The following CDKN2B-AS1 variants were observed in gnomAD, a reference collection of about 807,000 sequenced individuals.
The protein encoded by CDKN2B-AS1 is CDKN2B antisense RNA 1 (non-protein coding).
At chr9:22,041,468 T>C (rs1822893566) in intron 1 of CDKN2B-AS1, among the ~76,000 whole-genome samples, 1 of 152,060 alleles carries the variant, frequency 6.6e-6, no homozygotes, top group African/African-American at 2.4e-5. Flanking sequence ...CTTGACAATA[T>C]CATATATGCA....
At chr9:22,041,690 A>G (rs971514724) in intron 1 of CDKN2B-AS1, among the ~76,000 whole-genome samples, 3 of 152,070 alleles carry the variant, frequency 2.0e-5, no homozygotes, top group African/African-American at 7.2e-5. Context: ...AAAAAACACT[A>G]CAGACTCTAT....
chr9:22,060,706 A>G (rs1370807465), intron 4 of CDKN2B-AS1, among the ~76,000 whole-genome samples: 1 of 152,218 alleles, frequency 6.6e-6, no homozygotes, highest in Admixed American at 6.5e-5. Context: ...GAAACTAGGA[A>G]CAAAAAGAGG....
rs766446762 is a variant in CDKN2B-AS1, at chr9:22,005,762, C to T, written n.29+10601C>T. ...TAAATATCCCTGGAAATCCGCTTCT[C>T]TGTGTTTCGCTTCATGGTGAGTGTC... On this transcript the variant is annotated intron_variant and non_coding_transcript_variant, in intron 1 of 4. Coordinates refer to ENST00000650946, the Ensembl canonical transcript of CDKN2B-AS1. This position sits in a 1 kb window ranked among gnomAD's most constrained non-coding sequence, Gnocchi z 4.9. 1.1e-5 allele frequency: 7 copies of T among 619,712 alleles called. No homozygotes were observed. Among genetic ancestry groups the T allele is most frequent in the Non-Finnish European group, 2.0e-5 (7 of 352,634 alleles). 38.4% of individuals were successfully genotyped at this position (619,712 alleles called of 1,614,324 possible). A position where few individuals can be genotyped will look rare whatever the true frequency, so the allele number is the denominator to read the frequency against.
chr9:22,082,557 A>T (rs1271833419), intron 4 of CDKN2B-AS1, among the ~76,000 whole-genome samples: 2 of 152,210 alleles, frequency 1.3e-5, no homozygotes, highest in Non-Finnish European at 2.9e-5. Flanking sequence ...AGATAAACGT[A>T]TCATGATTTT....
At chr9:22,087,430 G>A (rs76659922) in intron 4 of CDKN2B-AS1, among the ~76,000 whole-genome samples, 1 of 152,270 alleles carries the variant, frequency 6.6e-6, no homozygotes, top group Non-Finnish European at 1.5e-5. Context: ...GGAACCATCA[G>A]GAAATAATCC....
intron 4 of CDKN2B-AS1, among the ~76,000 whole-genome samples, chr9:22,069,985 G>T (rs1477540838): frequency 6.6e-6 from 1 of 151,992 alleles, no homozygotes; most frequent in Admixed American, 6.6e-5. Context: ...TATTTTTTGG[G>T]AATGTGCGTT....
intron 1 of CDKN2B-AS1, among the ~76,000 whole-genome samples, chr9:22,009,656 G>A (rs1277592180): frequency 6.6e-6 from 1 of 152,236 alleles, no homozygotes; most frequent in Non-Finnish European, 1.5e-5. Context: ...AGACGTTGGT[G>A]GCTCCCTTGT....
At chr9:22,076,725 C>G (rs1333956501) in intron 4 of CDKN2B-AS1, among the ~76,000 whole-genome samples, 1 of 152,226 alleles carries the variant, frequency 6.6e-6, no homozygotes, top group Non-Finnish European at 1.5e-5. Context: ...CAAGGTCTCA[C>G]TCTGTCACCC....
At chr9:22,070,079 G>T (rs906243461) in intron 4 of CDKN2B-AS1, among the ~76,000 whole-genome samples, 1 of 152,080 alleles carries the variant, frequency 6.6e-6, no homozygotes, top group Non-Finnish European at 1.5e-5. Flanking sequence ...CCTCACAATG[G>T]TTAGAAAGCA....
At chr9:22,014,243 A>T (rs1205624031) in intron 1 of CDKN2B-AS1, among the ~76,000 whole-genome samples, 1 of 152,070 alleles carries the variant, frequency 6.6e-6, no homozygotes, top group Non-Finnish European at 1.5e-5. Context: ...GCTCACTGCA[A>T]CCTGCAACTC....
At chr9:22,058,142 C>T (rs932029825) in intron 4 of CDKN2B-AS1, among the ~76,000 whole-genome samples, 4 of 151,860 alleles carry the variant, frequency 2.6e-5, no homozygotes, top group Non-Finnish European at 2.9e-5. Context: ...TACAGTGAGC[C>T]GAGATTGCGC....
intron 4 of CDKN2B-AS1, among the ~76,000 whole-genome samples, chr9:22,081,960 G>T (rs1041130178): frequency 5.3e-5 from 8 of 152,168 alleles, no homozygotes; most frequent in African/African-American, 1.9e-4. Context: ...CCTGTGGCTG[G>T]GGTCTTGCTT....
exon 5 of CDKN2B-AS1, among the ~76,000 whole-genome samples, chr9:22,127,255 T>C (rs1276887103): frequency 2.0e-5 from 3 of 152,062 alleles, no homozygotes; most frequent in Non-Finnish European, 2.9e-5. Context: ...CTAATTTTTG[T>C]AGTTTTGGTA....
intron 4 of CDKN2B-AS1, among the ~76,000 whole-genome samples, chr9:22,106,313 C>T (rs1051389395): frequency 6.6e-6 from 1 of 152,174 alleles, no homozygotes; most frequent in Non-Finnish European, 1.5e-5. Context: ...AAACTCTTGA[C>T]CTCATGATCC....
chr9:22,089,917 G>T (rs1393598959), intron 4 of CDKN2B-AS1, among the ~76,000 whole-genome samples: 1 of 151,976 alleles, frequency 6.6e-6, no homozygotes, highest in East Asian at 1.9e-4. Context: ...ATGTTGGTGT[G>T]CTGCACCCAG....
chr9:22,010,115 A>C (rs1391232385), intron 1 of CDKN2B-AS1, among the ~76,000 whole-genome samples: 7 of 152,184 alleles, frequency 4.6e-5, no homozygotes, highest in Non-Finnish European at 1.0e-4. Flanking sequence ...TATCATGAGT[A>C]ATAAAGGAAA....
intron 4 of CDKN2B-AS1, among the ~76,000 whole-genome samples, chr9:22,072,157 AC>A (rs1402358350): frequency 1.3e-5 from 2 of 152,230 alleles, no homozygotes; most frequent in African/African-American, 4.8e-5. Flanking sequence ...ACTGTGGGTA[AC>A]TTGGGCCCAT....
At chr9:22,052,131 C>G (rs374843598) in intron 3 of CDKN2B-AS1, among the ~76,000 whole-genome samples, 1 of 152,168 alleles carries the variant, frequency 6.6e-6, no homozygotes, top group African/African-American at 2.4e-5. Flanking sequence ...CTTATTGCCT[C>G]TCTCACCAAA....
At chr9:22,012,846 T>C (rs2131202841) in intron 1 of CDKN2B-AS1, among the ~76,000 whole-genome samples, 1 of 152,336 alleles carries the variant, frequency 6.6e-6, no homozygotes, top group African/African-American at 2.4e-5. Flanking sequence ...TTGGGTTTAT[T>C]GCTCCGTGAT....
Sources: gnomAD v4.1 joint callset for allele counts (sites outside exome capture counted in the v4.1 genomes callset) on GRCh38, gnomAD v4.1.1 for gene constraint, Gnocchi (gnomAD v3.1) non-coding constraint, MANE v1.5 for transcripts, NCBI Gene and HGNC (gene_info 2026-07-23, HGNC 2026-07-21) for gene names.